Variants in HPCAL1 observed in about 807,000 individuals in gnomAD.
HPCAL1 encodes the protein hippocalcin-like protein 1.
A neutral mutation model predicts 17.1 loss-of-function variants in HPCAL1; 8 were observed. The ratio of observed to expected loss-of-function variants is 0.47; its 90% CI spans 0.27 to 0.84. HPCAL1 has a LOEUF of 0.84. Ranked by LOEUF, HPCAL1 falls within the 40% of genes least tolerant of loss-of-function variation. HPCAL1 has a pLI of 0.13. For missense variants in HPCAL1, 165 were observed against 271.1 expected, an observed-to-expected ratio of 0.61 and a Z score of 2.75; for synonymous variants, 112 against 111.4, an observed-to-expected ratio of 1.01 and a Z score of -0.03.
rs944132656 is a variant in HPCAL1 at position 10,354,130 on chromosome 2, G to A, written c.-110-42705G>A. On this transcript the variant is annotated intron_variant, in intron 1 of 4. Transcript: ENST00000307845. This position sits in a 1 kb window ranked among gnomAD's most constrained non-coding sequence, Gnocchi z 5.1. Reference sequence around the variant, plus strand: ...CCCACGGCGATGCATTCCAGCCGTCGAATTATGTAGTTCTACTGCTTAATC... The same window carrying A: ...CCCACGGCGATGCATTCCAGCCGTCAAATTATGTAGTTCTACTGCTTAATC... The A allele has an allele frequency of 2.0e-5, 3 of 152,172 alleles. No homozygotes were observed. Among genetic ancestry groups the A allele is most frequent in the African/African-American group, 4.8e-5 (2 of 41,414 alleles). 9.4% of individuals were successfully genotyped at this position (152,172 alleles called of 1,614,324 possible).
intron 1 of HPCAL1, among the ~76,000 whole-genome samples, chr2:10,320,495 G>A (rs924541621): frequency 1.3e-5 from 2 of 152,166 alleles, no homozygotes; most frequent in African/African-American, 4.8e-5. Context: ...GTGATTGTAG[G>A]TTTCCCGAGG....
At position 10,323,240 on chromosome 2, in the gene HPCAL1, C is replaced by T. The variant is rs946184416; in HGVS notation, c.-111+20063C>T. On this transcript the variant is annotated intron_variant, in intron 1 of 4. Coordinates refer to ENST00000307845, the MANE Select transcript of HPCAL1 (RefSeq NM_002149.4). The surrounding 1 kb of genome is among the most constrained non-coding windows in gnomAD (Gnocchi z 4.6). ...GGTCACGGTGCTCCACGCTCTCAACCGTTGGTTGCAGGTTCCCGTCCAGCC... is the reference window on the plus strand; with the variant it reads ...GGTCACGGTGCTCCACGCTCTCAACTGTTGGTTGCAGGTTCCCGTCCAGCC... Among the ~76,000 whole-genome samples, 8 of 152,252 alleles carry T rather than the reference C, an allele frequency of 5.3e-5. No individual in the cohort carries two copies. The highest frequency in any genetic ancestry group is 9.6e-5 in the African/African-American group (4 of 41,460).
At chr2:10,385,522 A>G (rs371729464) in intron 1 of HPCAL1, among the ~76,000 whole-genome samples, 78 of 151,962 alleles carry the variant, frequency 5.1e-4, no homozygotes, top group African/African-American at 1.8e-3. Context: ...CTGGGCTGTG[A>G]TTTTTTCATC....
At chr2:10,402,292 G>A (rs1018000520) in intron 2 of HPCAL1, among the ~76,000 whole-genome samples, 2 of 152,170 alleles carry the variant, frequency 1.3e-5, no homozygotes, top group African/African-American at 2.4e-5. Context: ...TTTACACTTC[G>A]GTGTCTTCCC....
At position 10,313,636 on chromosome 2, in the gene HPCAL1, G is replaced by A. The variant is rs112172283; in HGVS notation, c.-111+10459G>A. Among the ~76,000 whole-genome samples the A allele has an allele frequency of 2.0e-3, 297 of 152,304 alleles. 2 individuals are homozygous for A. Among genetic ancestry groups the A allele is most frequent in the African/African-American group, 6.7e-3 (280 of 41,560 alleles). ...GACTCCCATCCCATCATTGATGTCT[G>A]GCTTTGACTTGGCATGGGAGACATT... On this transcript the variant is annotated intron_variant, in intron 1 of 4. Transcript: ENST00000307845.
chr2:10,424,573 C>T (rs1416519572), intron 4 of HPCAL1: 1 of 471,106 alleles, frequency 2.1e-6, no homozygotes, highest in East Asian at 6.9e-5. Flanking sequence ...AATCTGCCTC[C>T]TGGCTTGGCC....
At chr2:10,397,612 C>G (rs1669138484) in intron 2 of HPCAL1, among the ~76,000 whole-genome samples, 1 of 152,230 alleles carries the variant, frequency 6.6e-6, no homozygotes, top group Non-Finnish European at 1.5e-5. Context: ...CTGGTCGCCT[C>G]TCCCCCAGTG....
chr2:10,390,264 A>G (rs1008295645), intron 1 of HPCAL1, among the ~76,000 whole-genome samples: 2 of 152,188 alleles, frequency 1.3e-5, no homozygotes, highest in African/African-American at 4.8e-5. Context: ...GTCTGGTCTC[A>G]GACCACAGCC....
Position 10,323,258 on chromosome 2 carries a change from G to A in HPCAL1, c.-111+20081G>A, listed in dbSNP as rs1056869764. Reference sequence around the variant, plus strand: ...TCTCAACCGTTGGTTGCAGGTTCCCGTCCAGCCTCTCAAGCTGGCTGCTCC... The same window carrying A: ...TCTCAACCGTTGGTTGCAGGTTCCCATCCAGCCTCTCAAGCTGGCTGCTCC... On this transcript the variant is annotated intron_variant, in intron 1 of 4. Coordinates refer to ENST00000307845, the MANE Select transcript of HPCAL1 (RefSeq NM_002149.4). This position sits in a 1 kb window ranked among gnomAD's most constrained non-coding sequence, Gnocchi z 4.6. Among the ~76,000 whole-genome samples, 24 of 152,184 alleles carry A rather than the reference G, an allele frequency of 1.6e-4. No individual in the cohort carries two copies. Among genetic ancestry groups the A allele is most frequent in the African/African-American group, 4.8e-4 (20 of 41,438 alleles).
intron 1 of HPCAL1, among the ~76,000 whole-genome samples, chr2:10,345,247 G>T (rs1665357916): frequency 1.3e-5 from 2 of 152,034 alleles, no homozygotes; most frequent in African/African-American, 2.4e-5. Context: ...CTCCGTCTTT[G>T]GGACAGACTA....
At chr2:10,392,261 G>T (rs1332170280) in intron 1 of HPCAL1, among the ~76,000 whole-genome samples, 6 of 150,978 alleles carry the variant, frequency 4.0e-5, no homozygotes, top group Admixed American at 4.0e-4. Context: ...GGCTGGTCTC[G>T]CAGTGCTGGG....
intron 1 of HPCAL1, among the ~76,000 whole-genome samples, chr2:10,334,930 G>T (rs1168278124): frequency 6.6e-6 from 1 of 152,184 alleles, no homozygotes; most frequent in Non-Finnish European, 1.5e-5. Flanking sequence ...CACCTGCCTT[G>T]GCCTCCCAAA....
chr2:10,359,921 C>T lies in HPCAL1; in HGVS notation c.-110-36914C>T, dbSNP rs141693130. 5.3e-4 allele frequency among the ~76,000 whole-genome samples: 80 copies of T among 150,394 alleles called. No individual in the cohort carries two copies. Among genetic ancestry groups the T allele is most frequent in the African/African-American group, 1.5e-3 (59 of 40,188 alleles). On this transcript the variant is annotated intron_variant, in intron 1 of 4. Transcript: ENST00000307845. This position sits in a 1 kb window ranked among gnomAD's most constrained non-coding sequence, Gnocchi z 4.1. ...TGCCCGCCGGGTCCACAGCGCCCGC[C>T]GGGTCCACAGCGCCCGCCGGGTCCA...
At position 10,426,933 on chromosome 2, in the gene HPCAL1, TG is replaced by T; in HGVS notation, c.*116del. 9.9e-7 allele frequency: 1 copy of T among 1,012,516 alleles called. No homozygotes were observed. Among genetic ancestry groups the T allele is most frequent in the Admixed American group, 1.9e-5 (1 of 51,994 alleles). 62.7% of individuals were successfully genotyped at this position (1,012,516 alleles called of 1,614,324 possible). A position where few individuals can be genotyped will look rare whatever the true frequency, so the allele number is the denominator to read the frequency against. ...TTCCTGCTCTCCCGGGCCCCGGGCC[TG>T]GGGCATGCGTTGCACCTGCCCAGCC... On this transcript the variant is annotated 3_prime_UTR_variant, in exon 5 of 5. Transcript: ENST00000307845.
intron 1 of HPCAL1, among the ~76,000 whole-genome samples, chr2:10,364,392 C>T (rs1028663932): frequency 1.3e-5 from 2 of 152,136 alleles, no homozygotes; most frequent in East Asian, 1.9e-4. Flanking sequence ...TGACTGCCGA[C>T]ATCAGGGAAG....
intron 3 of HPCAL1, among the ~76,000 whole-genome samples, chr2:10,422,656 A>G (rs1247622271): frequency 6.6e-6 from 1 of 152,040 alleles, no homozygotes; most frequent in African/African-American, 2.4e-5. Flanking sequence ...AATTTCACAC[A>G]TCTGTGACCA....
chr2:10,332,690 A>G (rs1664460098), intron 1 of HPCAL1, among the ~76,000 whole-genome samples: 1 of 152,158 alleles, frequency 6.6e-6, no homozygotes, highest in Non-Finnish European at 1.5e-5. Context: ...ACAGCAAGGA[A>G]GGGACAGAGC....
At chr2:10,375,181 C>T (rs995056799) in intron 1 of HPCAL1, among the ~76,000 whole-genome samples, 2 of 152,244 alleles carry the variant, frequency 1.3e-5, no homozygotes, top group African/African-American at 4.8e-5. Context: ...ACAGTGTGCC[C>T]TGCCCCAGCA....
chr2:10,379,627 C>A (rs1667818095), intron 1 of HPCAL1, among the ~76,000 whole-genome samples: 1 of 152,166 alleles, frequency 6.6e-6, no homozygotes, highest in African/African-American at 2.4e-5. Flanking sequence ...ACCATGCCAG[C>A]AGTTCCCCCA....
Sources: gnomAD v4.1 joint callset for allele counts (sites outside exome capture counted in the v4.1 genomes callset) on GRCh38, gnomAD v4.1.1 for gene constraint, Gnocchi (gnomAD v3.1) non-coding constraint, MANE v1.5 for transcripts, NCBI Gene and HGNC (gene_info 2026-07-23, HGNC 2026-07-21) for gene names.